Variants in CARNS1 observed in about 807,000 individuals in gnomAD.
CARNS1 encodes the protein carnosine synthase 1.
Under a neutral mutation model 74.0 loss-of-function variants are expected in CARNS1, and 61 were observed. That is an observed-to-expected ratio of 0.82 (90% CI 0.67 to 1.02). The LOEUF (loss-of-function observed/expected upper bound fraction) is 1.02, where lower values mean the gene tolerates loss of function less well. CARNS1 is among the 50% of genes least tolerant of loss of function. CARNS1 has a pLI of 0.00. For synonymous variants in CARNS1, 568 were observed against 605.5 expected (o/e 0.94, Z 0.91); for missense variants, 1,278 against 1,308.4 (o/e 0.98, Z 0.36).
chr11:67,424,433 G>A lies in CARNS1; in HGVS notation c.2685G>A (p.Leu895=). The A allele has an allele frequency of 1.3e-6, 2 of 1,588,544 alleles. No homozygotes were observed. The highest frequency in any genetic ancestry group is 1.1e-5 in the South Asian group (1 of 88,038). Reference sequence around the variant, plus strand: ...ACCGTGGACTGCTACGCCTCAATCTGCTGGAGGAGGCCCTGGTGCCTGGCG... The same window carrying A: ...ACCGTGGACTGCTACGCCTCAATCTACTGGAGGAGGCCCTGGTGCCTGGCG... The part of the protein sequence containing the change: ...LHDRGLLRLN[L]LEEALVPGEY... The change falls in exon 10 of 10, where the codon CTG becomes CTA. Residue 895 remains leucine (L), a synonymous_variant. Transcript: ENST00000687366.
chr11:67,422,681 C>A (rs959731125), intron 9 of CARNS1, among the ~76,000 whole-genome samples: 2 of 152,234 alleles, frequency 1.3e-5, no homozygotes, highest in Non-Finnish European at 2.9e-5. Flanking sequence ...CCATCTCAAG[C>A]TGGCCCTAAT....
chr11:67,423,625 A>T lies in CARNS1; in HGVS notation c.1877A>T (p.Gln626Leu). The T allele has an allele frequency of 6.2e-7, 1 of 1,609,642 alleles. No homozygotes were observed. Among genetic ancestry groups the T allele is most frequent in the Non-Finnish European group, 8.5e-7 (1 of 1,178,658 alleles). ...SSPAAMRLAK[Q>L]KSLTQLHLLH... ...CCAGCTGCCATGCGCCTGGCTAAGC[A>T]GAAGAGCCTCACCCAGCTGCACCTG... is the stretch of plus-strand genomic sequence containing the variant. The change falls in exon 10 of 10, where the codon CAG becomes CTG. Residue 626 changes from glutamine to leucine, a missense_variant. Gln to Leu is a moderately radical substitution (Grantham distance 113). This residue lies in a region of CARNS1 where 1,164 missense variants were observed against 1,156.5 expected (regional missense o/e 1.01). Transcript: ENST00000687366. This position sits in a 1 kb window ranked among gnomAD's most constrained non-coding sequence, Gnocchi z 5.1.
In CARNS1 at chr11:67,419,844, C is replaced by G; in HGVS notation, c.1113+6C>G. On this transcript the variant is annotated splice_donor_region_variant and intron_variant, in intron 7 of 9. Coordinates refer to ENST00000687366, the MANE Select transcript of CARNS1 (RefSeq NM_001166222.2). The stretch of plus-strand genomic sequence containing the variant: ...ATAGGCCACTGCTGAGCAAGGTGAG[C>G]GTGGCCCAGGCCCAGGCTGTGACCC... The G allele has an allele frequency of 2.5e-6, 4 of 1,571,150 alleles. No homozygotes were observed. Among genetic ancestry groups the G allele is most frequent in the South Asian group, 1.2e-5 (1 of 85,670 alleles).
In CARNS1 at chr11:67,424,457, C is replaced by T. The variant is rs190057931; in HGVS notation, c.2709C>T (p.Gly903=). 36 of 1,588,550 alleles carry T rather than the reference C, an allele frequency of 2.3e-5. No homozygotes were observed. In the South Asian group the frequency reaches 2.3e-4, roughly 10 times the overall value. Residue 903 remains glycine, a synonymous_variant, in exon 10 of 10, where the codon GGC becomes GGT. Coordinates refer to ENST00000687366, the MANE Select transcript of CARNS1 (RefSeq NM_001166222.2). The stretch of plus-strand genomic sequence containing the variant: ...TGCTGGAGGAGGCCCTGGTGCCTGG[C>T]GAGTATGAGGAGCCCTACTGCAGTG... The part of the protein sequence containing the change: ...LNLLEEALVP[G]EYEEPYCSVA...
In CARNS1 at chr11:67,420,951, C is replaced by T. The variant is rs1208425791; in HGVS notation, c.1358C>T (p.Ala453Val). The part of the protein sequence containing the change: ...AHTDFLGVDF[A>V]LTAAGGVLTP... Reference sequence around the variant, plus strand: ...CCGCCCGGCGCAGGCGTGGATTTCGCGCTGACAGCGGCCGGCGGCGTGCTG... The same window carrying T: ...CCGCCCGGCGCAGGCGTGGATTTCGTGCTGACAGCGGCCGGCGGCGTGCTG... Residue 453 changes from alanine to valine, a missense_variant, in exon 9 of 10, where the codon GCG (alanine) becomes GTG (valine). Ala to Val is a moderately conservative substitution (Grantham distance 64). Transcript: ENST00000687366. 24 of 1,420,078 alleles carry T rather than the reference C, an allele frequency of 1.7e-5. No individual in the cohort carries two copies. The highest frequency in any genetic ancestry group is 2.1e-5 in the Non-Finnish European group (23 of 1,088,994). The allele number at this position is 1,420,078 out of a possible 1,614,324, so 88.0% of individuals were successfully genotyped here.
chr11:67,421,790 C>T (rs148067057), intron 9 of CARNS1, among the ~76,000 whole-genome samples: 159 of 152,206 alleles, frequency 1.0e-3, no homozygotes, highest in African/African-American at 3.3e-3. Context: ...TGCGGTGGTG[C>T]GATCACAGCT....
In CARNS1 at chr11:67,418,749, C is replaced by T. The variant is rs371219030; in HGVS notation, c.365-7C>T. 1.9e-6 allele frequency: 3 copies of T among 1,576,034 alleles called. No individual in the cohort carries two copies. The highest frequency in any genetic ancestry group is 1.7e-6 in the Non-Finnish European group (2 of 1,159,924). On this transcript the variant is annotated splice_region_variant and splice_polypyrimidine_tract_variant and intron_variant, in intron 4 of 9. Coordinates refer to ENST00000687366, the MANE Select transcript of CARNS1 (RefSeq NM_001166222.2). ...CCTGGCCAGCCACTTGCCTTCTCTG[C>T]CCACAGGAAACATGCTCCTTTGCCT...
At chr11:67,421,946 G>A (rs987955571) in intron 9 of CARNS1, among the ~76,000 whole-genome samples, 1 of 150,972 alleles carries the variant, frequency 6.6e-6, no homozygotes, top group African/African-American at 2.4e-5. Context: ...TGGGTGCAGT[G>A]GCGTGATCTC....
Position 67,416,967 on chromosome 11 carries a change from G to A in CARNS1, c.4-440G>A, listed in dbSNP as rs1008170875. ...ATGCCGGGTCATGAGACAGAAATAA[G>A]CCACCTCAGAGTGATGGCTGGGTTC... On this transcript the variant is annotated intron_variant, in intron 2 of 9. Coordinates refer to ENST00000687366, the MANE Select transcript of CARNS1 (RefSeq NM_001166222.2). 5 of 990,712 alleles carry A rather than the reference G, an allele frequency of 5.0e-6. No homozygotes were observed. In the Admixed American group the frequency reaches 2.4e-4, roughly 48 times the overall value. 61.4% of individuals were successfully genotyped at this position (990,712 alleles called of 1,614,324 possible). A position where few individuals can be genotyped will look rare whatever the true frequency, so the allele number is the denominator to read the frequency against.
In CARNS1 at chr11:67,425,195, C is replaced by A; in HGVS notation, c.*594C>A. The A allele has an allele frequency of 2.5e-6, 1 of 402,026 alleles. No homozygotes were observed. The highest frequency in any genetic ancestry group is 5.0e-6 in the Non-Finnish European group (1 of 200,676). The allele number at this position is 402,026 out of a possible 1,614,324, so 24.9% of individuals were successfully genotyped here. ...TCTTTCTGCTCACCCCAGGCAGACA[C>A]AACTGCCTATGTTCCCCCGATGAGA... On this transcript the variant is annotated 3_prime_UTR_variant, in exon 10 of 10. Coordinates refer to ENST00000687366, the MANE Select transcript of CARNS1 (RefSeq NM_001166222.2).
chr11:67,416,305 C>A, intron 2 of CARNS1, 103 bp downstream of exon 2: 29 of 1,529,552 alleles, frequency 1.9e-5, no homozygotes, highest in African/African-American at 2.7e-5. Flanking sequence ...TGGGAGTTGC[C>A]CCCTGCAGAC....
rs1207901111 is a variant in CARNS1, at chr11:67,419,090, T to A, written c.699T>A (p.Ala233=). 3.2e-6 allele frequency: 5 copies of A among 1,568,342 alleles called. No individual in the cohort carries two copies. The highest frequency in any genetic ancestry group is 1.4e-5 in the African/African-American group (1 of 74,000). Residue 233 remains alanine, a synonymous_variant, in exon 5 of 10, where the codon GCT becomes GCA. Coordinates refer to ENST00000687366, the MANE Select transcript of CARNS1 (RefSeq NM_001166222.2). ...GTGTGGCTGTGCCAGCAACCCTGGC[T>A]TTCACCTACAAGCCGCCGGGGCTGC... ...QGGVAVPATL[A]FTYKPPGLLR... is the part of the protein sequence containing the mutation.
chr11:67,416,711 G>T, intron 2 of CARNS1: 4 of 986,606 alleles, frequency 4.1e-6, no homozygotes, highest in Non-Finnish European at 4.8e-6. Context: ...CAAAGAACAA[G>T]AATTCCATTC....
At chr11:67,417,949 G>A (rs1463213755) in intron 3 of CARNS1, among the ~76,000 whole-genome samples, 2 of 152,200 alleles carry the variant, frequency 1.3e-5, no homozygotes, top group South Asian at 2.1e-4. Context: ...GTGTGGCACC[G>A]AAGCTTCTAG....
chr11:67,416,756 G>T, intron 2 of CARNS1: 1 of 986,210 alleles, frequency 1.0e-6, no homozygotes, highest in Non-Finnish European at 1.2e-6. Flanking sequence ...TATTGGGGGG[G>T]CGCCAGCCTC....
Position 67,420,831 on chromosome 11 carries a change from G to A in CARNS1, c.1336G>A (p.Asp446Asn). ...GCGCGGCGGGCGCCGGGCGCACACG[G>A]ACTTCCTGGGTGAGTGAGGGCGGCC... The part of the protein sequence containing the change: ...EQRGGRRAHT[D>N]FLGVDFALTA... The change falls in exon 8 of 10, where the codon GAC becomes AAC. Residue 446 changes from aspartate to asparagine, a missense_variant. Physicochemically the swap from Asp to Asn is conservative, Grantham distance 23 (BLOSUM62 1). This residue lies in a region of CARNS1 where 1,164 missense variants were observed against 1,156.5 expected (regional missense o/e 1.01). Transcript: ENST00000687366. The A allele has an allele frequency of 8.1e-7, 1 of 1,228,470 alleles. No individual in the cohort carries two copies. The highest frequency in any genetic ancestry group is 1.0e-6 in the Non-Finnish European group (1 of 986,546). The allele number at this position is 1,228,470 out of a possible 1,614,324, so 76.1% of individuals were successfully genotyped here.
At chr11:67,416,404 A>G in intron 2 of CARNS1, 4 of 1,409,776 alleles carry the variant, frequency 2.8e-6, no homozygotes, top group Non-Finnish European at 3.7e-6. Context: ...ACATTCATTC[A>G]TTCCATGGCC....
In CARNS1 at chr11:67,424,420, T is replaced by C; in HGVS notation, c.2672T>C (p.Leu891Pro). The change falls in exon 10 of 10, where the codon CTA becomes CCA. Residue 891 changes from leucine to proline, a missense_variant. Leu to Pro is a moderately conservative substitution (Grantham distance 98). Coordinates refer to ENST00000687366, the MANE Select transcript of CARNS1 (RefSeq NM_001166222.2). ...CAGGCCCTGCACGACCGTGGACTGC[T>C]ACGCCTCAATCTGCTGGAGGAGGCC... Reference protein sequence around the residue: ...TLQALHDRGLLRLNLLEEALV... With the variant: ...TLQALHDRGLPRLNLLEEALV... The C allele has an allele frequency of 6.3e-7, 1 of 1,588,856 alleles. No homozygotes were observed. Among genetic ancestry groups the C allele is most frequent in the East Asian group, 2.3e-5 (1 of 43,490 alleles).
chr11:67,419,409 G>A (rs762204149), intron 5 of CARNS1, 78 bp from the exon 6 acceptor site: 26 of 1,552,580 alleles, frequency 1.7e-5, no homozygotes, highest in East Asian at 4.7e-5. Flanking sequence ...TTTACTCACC[G>A]GCTCCTGTGG....
Sources: allele counts gnomAD v4.1 joint callset (sites outside exome capture counted in the v4.1 genomes callset), GRCh38; gene constraint gnomAD v4.1.1; regional missense constraint gnomAD v4.1.1; non-coding constraint Gnocchi (gnomAD v3.1); transcripts MANE v1.5; gene names NCBI Gene and HGNC (gene_info 2026-07-23, HGNC 2026-07-21).